Variants in CACNA1G observed in about 807,000 individuals in gnomAD.
CACNA1G encodes the protein calcium voltage-gated channel subunit alpha1 G.
A neutral mutation model predicts 219.4 loss-of-function variants in CACNA1G; 67 were observed. That is an observed-to-expected ratio of 0.31 (90% CI 0.25 to 0.37). The LOEUF (loss-of-function observed/expected upper bound fraction) is 0.37, where lower values mean the gene tolerates loss of function less well. Ranked by LOEUF, CACNA1G falls within the 10% of genes least tolerant of loss-of-function variation. CACNA1G has a pLI of 1.00. For missense variants in CACNA1G, 2,380 were observed against 3,231.4 expected (o/e 0.74, Z 6.39); for synonymous variants, 1,296 against 1,345.3 (o/e 0.96, Z 0.80).
chr17:50,619,024 C>T lies in CACNA1G; in HGVS notation c.5781+16C>T. ...GCACCCCACGGTGAGCAGACACCCA[C>T]CCCAGCCGTGAGAGGAGCTGGGGCA... is the stretch of plus-strand genomic sequence containing the variant. On this transcript the variant is annotated intron_variant, in intron 33 of 37. Coordinates refer to ENST00000359106, the MANE Select transcript of CACNA1G (RefSeq NM_018896.5). 6 of 1,497,418 alleles carry T rather than the reference C, an allele frequency of 4.0e-6. No homozygotes were observed. In the East Asian group the frequency reaches 6.9e-5, roughly 17 times the overall value. The allele number at this position is 1,497,418 out of a possible 1,614,324, so 92.8% of individuals were successfully genotyped here. A position where few individuals can be genotyped will look rare whatever the true frequency, so the allele number is the denominator to read the frequency against.
intron 9 of CACNA1G, among the ~76,000 whole-genome samples, chr17:50,586,336 C>T (rs1004721612): frequency 2.0e-5 from 3 of 152,148 alleles, no homozygotes; most frequent in Admixed American, 6.5e-5. Flanking sequence ...GTAGCCTTCT[C>T]TCCCACCAGC....
At chr17:50,605,322 C>T (rs145277008) in intron 22 of CACNA1G, among the ~76,000 whole-genome samples, 89 of 152,328 alleles carry the variant, frequency 5.8e-4, no homozygotes, top group African/African-American at 1.9e-3. Flanking sequence ...AGCTCCCTTT[C>T]TGCTACCTGC....
chr17:50,626,710 C>G lies in CACNA1G; in HGVS notation c.7093C>G (p.Leu2365Val), dbSNP rs776413505. 6 of 1,613,176 alleles carry G rather than the reference C, an allele frequency of 3.7e-6. No homozygotes were observed. In the Admixed American group the frequency reaches 1.0e-4, roughly 27 times the overall value. ...CTCCCCAAAGAAAGATGTGCTGAGT[C>G]TCTCCGGTTTATCCTCTGACCCAGC... ...SPSPKKDVLS[L>V]SGLSSDPADL... Residue 2365 changes from leucine to valine, a missense_variant, in exon 38 of 38, where the codon CTC (leucine) becomes GTC (valine). By Grantham distance (32) the Leu-to-Val change is conservative. This residue lies in a region of CACNA1G where 672 missense variants were observed against 670.5 expected (regional missense o/e 1.00). Transcript: ENST00000359106. This position sits in a 1 kb window ranked among gnomAD's most constrained non-coding sequence, Gnocchi z 4.3.
rs1293089402 is a variant in CACNA1G, at chr17:50,561,347, T to C, written c.-113T>C. 4 of 1,391,526 alleles carry C rather than the reference T, an allele frequency of 2.9e-6. No individual in the cohort carries two copies. In the African/African-American group the frequency reaches 4.3e-5, roughly 15 times the overall value. The allele number at this position is 1,391,526 out of a possible 1,614,324, so 86.2% of individuals were successfully genotyped here. A position where few individuals can be genotyped will look rare whatever the true frequency, so the allele number is the denominator to read the frequency against. On this transcript the variant is annotated 5_prime_UTR_variant, in exon 1 of 38. Coordinates refer to ENST00000359106, the MANE Select transcript of CACNA1G (RefSeq NM_018896.5). ...CCTCCCGGGGGCTCAGCTTGCGCCCTAGAGCCCACCAGATGTGCCCCCGCC... is the reference window on the plus strand; with the variant it reads ...CCTCCCGGGGGCTCAGCTTGCGCCCCAGAGCCCACCAGATGTGCCCCCGCC...
chr17:50,620,458 G>A (rs1408108963), intron 34 of CACNA1G, among the ~76,000 whole-genome samples: 4 of 152,138 alleles, frequency 2.6e-5, no homozygotes, highest in Admixed American at 6.5e-5. Context: ...TTCCCACAGC[G>A]CCACATGGCC....
In CACNA1G at chr17:50,561,121, G is replaced by T. The variant is rs2035480636; in HGVS notation, c.-339G>T. ...TTCGCCCTCTCGGGGCGGCTTCGCCGAAGGTAGCGCCGAATCCGGCAACCG... is the reference window on the plus strand; with the variant it reads ...TTCGCCCTCTCGGGGCGGCTTCGCCTAAGGTAGCGCCGAATCCGGCAACCG... On this transcript the variant is annotated 5_prime_UTR_variant, in exon 1 of 38. Transcript: ENST00000359106. 4.3e-6 allele frequency: 2 copies of T among 464,742 alleles called. No individual in the cohort carries two copies. Among genetic ancestry groups the T allele is most frequent in the African/African-American group, 2.1e-5 (1 of 47,718 alleles). The allele number at this position is 464,742 out of a possible 1,614,324, so 28.8% of individuals were successfully genotyped here.
At chr17:50,616,417 C>A in intron 28 of CACNA1G, 33 bp downstream of exon 28, 1 of 1,271,154 alleles carries the variant, frequency 7.9e-7, no homozygotes, top group Non-Finnish European at 1.1e-6. Context: ...TGGGGACTTG[C>A]GTAGAGATAG....
At chr17:50,564,620 G>T (rs1260431207) in intron 1 of CACNA1G, among the ~76,000 whole-genome samples, 2 of 152,024 alleles carry the variant, frequency 1.3e-5, no homozygotes, top group Admixed American at 1.3e-4. Context: ...CCCTCTAGAG[G>T]GGTGGGGGCA....
At position 50,618,122 on chromosome 17, in the gene CACNA1G, C is replaced by A; in HGVS notation, c.5301C>A (p.Asp1767Glu). Residue 1767 changes from aspartate (D) to glutamate (E), a missense_variant, in exon 31 of 38, where the codon GAC (aspartate) becomes GAA (glutamate). Coordinates refer to ENST00000359106, the MANE Select transcript of CACNA1G (RefSeq NM_018896.5). This position sits in a 1 kb window ranked among gnomAD's most constrained non-coding sequence, Gnocchi z 5.3. ...FAALGVELFG[D>E]LECDETHPCE... ...CTCTGGGCGTGGAGCTCTTTGGAGACCTGGGTGAGTTGGGGTAGGGGAGGG... is the reference window on the plus strand; with the variant it reads ...CTCTGGGCGTGGAGCTCTTTGGAGAACTGGGTGAGTTGGGGTAGGGGAGGG... 1 of 1,613,846 alleles carries A rather than the reference C, an allele frequency of 6.2e-7. No individual in the cohort carries two copies. Among genetic ancestry groups the A allele is most frequent in the Non-Finnish European group, 8.5e-7 (1 of 1,179,838 alleles).
chr17:50,598,881 C>T (rs1012361341), intron 16 of CACNA1G, among the ~76,000 whole-genome samples: 1 of 152,196 alleles, frequency 6.6e-6, no homozygotes, highest in Non-Finnish European at 1.5e-5. Context: ...CGTGAGCCAC[C>T]ATGCCCAACT....
intron 37 of CACNA1G, among the ~76,000 whole-genome samples, chr17:50,624,886 G>T (rs1290107418): frequency 6.6e-6 from 1 of 151,650 alleles, no homozygotes; most frequent in Non-Finnish European, 1.5e-5. Context: ...TGAGCTATGG[G>T]GCACAAGGCA....
At chr17:50,566,866 A>G (rs1645110066) in intron 1 of CACNA1G, among the ~76,000 whole-genome samples, 1 of 152,188 alleles carries the variant, frequency 6.6e-6, no homozygotes, top group Non-Finnish European at 1.5e-5. Flanking sequence ...TGCACAGATT[A>G]CTAACACGGT....
intron 1 of CACNA1G, among the ~76,000 whole-genome samples, chr17:50,565,247 T>A (rs2037391501): frequency 2.6e-5 from 4 of 152,198 alleles, no homozygotes; most frequent in African/African-American, 9.6e-5. Context: ...CTGTGTCTCA[T>A]GTCTCTGTCT....
At chr17:50,564,087 C>G (rs1035061253) in intron 1 of CACNA1G, among the ~76,000 whole-genome samples, 1 of 149,108 alleles carries the variant, frequency 6.7e-6, no homozygotes, top group African/African-American at 2.5e-5. Context: ...TTTTAAGGGA[C>G]CAGGTTTCCT....
In CACNA1G at chr17:50,591,537, G is replaced by A; in HGVS notation, c.2556G>A (p.Gln852=). 6.2e-7 allele frequency: 1 copy of A among 1,612,242 alleles called. No individual in the cohort carries two copies. The highest frequency in any genetic ancestry group is 8.5e-7 in the Non-Finnish European group (1 of 1,179,374). ...LKLVRFLPAL[Q]RQLVVLMKTM... ...TGGTGCGCTTCCTGCCGGCGCTGCA[G>A]CGGCAGCTGGTGGTGCTCATGAAGA... The change falls in exon 11 of 38, where the codon CAG becomes CAA. Residue 852 remains glutamine (Q), a synonymous_variant. Transcript: ENST00000359106.
Position 50,615,829 on chromosome 17 carries a change from G to A in CACNA1G, c.4911+317G>A, listed in dbSNP as rs186966495. On this transcript the variant is annotated intron_variant, in intron 27 of 37. Transcript: ENST00000359106. ...TTTGAGGGTAAAAAGGCAGATGGAT[G>A]CCTGCCCTTCTGGAGTTGAGATTCT... is the stretch of plus-strand genomic sequence containing the variant. 2.6e-3 allele frequency among the ~76,000 whole-genome samples: 389 copies of A among 152,336 alleles called. 2 individuals are homozygous for A. Among genetic ancestry groups the A allele is most frequent in the Middle Eastern group, 0.02 (6 of 294 alleles).
chr17:50,605,365 C>G (rs1204414619), intron 22 of CACNA1G, among the ~76,000 whole-genome samples: 2 of 152,180 alleles, frequency 1.3e-5, no homozygotes, highest in East Asian at 3.8e-4. Context: ...GGATTAACTT[C>G]TCTGAGCCTC....
rs375067503 is a variant in CACNA1G at position 50,575,844 on chromosome 17, G to C, written c.1442G>C (p.Ser481Thr). Residue 481 changes from serine to threonine, a missense_variant, in exon 8 of 38, where the codon AGC becomes ACC. Ser to Thr is a moderately conservative substitution (Grantham distance 58, BLOSUM62 1). Transcript: ENST00000359106. ...GGCCAGGAGACCCAGCCCAGCAGCA[G>C]CTGCTCTCGCTCCCACCGCCGCCTA... ...LGGQETQPSS[S>T]CSRSHRRLSV... The C allele has an allele frequency of 3.2e-6, 5 of 1,549,492 alleles. No individual in the cohort carries two copies. In the African/African-American group the frequency reaches 6.8e-5, roughly 21 times the overall value.
intron 1 of CACNA1G, chr17:50,563,574 C>G (rs946746398): frequency 6.6e-6 from 1 of 152,310 alleles, no homozygotes; most frequent in African/African-American, 2.4e-5. Flanking sequence ...CATCTCTTCT[C>G]GCCTGCCCTA....
Sources: allele counts gnomAD v4.1 joint callset (sites outside exome capture counted in the v4.1 genomes callset), GRCh38; gene constraint gnomAD v4.1.1; regional missense constraint gnomAD v4.1.1; non-coding constraint Gnocchi (gnomAD v3.1); transcripts MANE v1.5; gene names NCBI Gene and HGNC (gene_info 2026-07-23, HGNC 2026-07-21).